DDHD1: variants seen among roughly 807,000 people sequenced by gnomAD.
DDHD1 encodes the protein phospholipase DDHD1.
A neutral mutation model predicts 96.4 loss-of-function variants in DDHD1; 49 were observed. The observed-to-expected ratio is 0.51, with a 90% confidence interval of 0.40 to 0.64. The LOEUF is 0.64. DDHD1 is among the 30% of genes least tolerant of loss of function. The pLI, the probability that DDHD1 is intolerant of heterozygous loss-of-function variation, is 0.00. For missense variants in DDHD1, 1,106 were observed against 1,161.2 expected, an observed-to-expected ratio of 0.95 and a Z score of 0.69; for synonymous variants, 442 against 446.5, an observed-to-expected ratio of 0.99 and a Z score of 0.13.
chr14:53,090,728 G>T (rs554757573), intron 4 of DDHD1, among the ~76,000 whole-genome samples: 11 of 152,262 alleles, frequency 7.2e-5, no homozygotes, highest in East Asian at 5.8e-4. Context: ...CCACTGGGGT[G>T]GGGGGATGGA....
At chr14:53,091,533 T>C (rs909667164) in intron 4 of DDHD1, among the ~76,000 whole-genome samples, 5 of 152,186 alleles carry the variant, frequency 3.3e-5, no homozygotes, top group Admixed American at 6.5e-5. Context: ...ACTTAATGTA[T>C]TAGATTAAAA....
chr14:53,112,638 A>T (rs1888196478), intron 1 of DDHD1, among the ~76,000 whole-genome samples: 1 of 152,208 alleles, frequency 6.6e-6, no homozygotes, highest in Non-Finnish European at 1.5e-5. Flanking sequence ...CAATCTGCTT[A>T]AAAATATACT....
chr14:53,142,936 A>G lies in DDHD1; in HGVS notation c.838+9325T>C, dbSNP rs1190998060. On this transcript the variant is annotated intron_variant, in intron 1 of 12. Transcript: ENST00000673822. Reference sequence around the variant, plus strand: ...GAAACAGACTACAAATTGAAACAGGAGAGCCAAGAATGTCAAGCGGGTTGG... The same window carrying G: ...GAAACAGACTACAAATTGAAACAGGGGAGCCAAGAATGTCAAGCGGGTTGG... Among the ~76,000 whole-genome samples, 3 of 152,272 alleles carry G rather than the reference A, an allele frequency of 2.0e-5. No homozygotes were observed. In the East Asian group the frequency reaches 5.8e-4, roughly 29 times the overall value.
At position 53,045,880 on chromosome 14, in the gene DDHD1, T is replaced by C. The variant is rs1015025317; in HGVS notation, c.*888A>G. 6.6e-6 allele frequency: 1 copy of C among 152,212 alleles called. No homozygotes were observed. The highest frequency in any genetic ancestry group is 1.5e-5 in the Non-Finnish European group (1 of 68,040). The allele number at this position is 152,212 out of a possible 1,614,324, so 9.4% of individuals were successfully genotyped here. A position where few individuals can be genotyped will look rare whatever the true frequency, so the allele number is the denominator to read the frequency against. On this transcript the variant is annotated 3_prime_UTR_variant, in exon 13 of 13. Transcript: ENST00000673822. ...TTTAAAATAGCTGTCATACTACCTA[T>C]TCAAAAGCATTTACTAGTTTTCTAA...
chr14:53,105,504 A>G (rs1001391047), intron 1 of DDHD1, among the ~76,000 whole-genome samples: 2 of 152,224 alleles, frequency 1.3e-5, no homozygotes, highest in Admixed American at 1.3e-4. Context: ...AAAAAATATT[A>G]TAACTTCATT....
intron 7 of DDHD1, among the ~76,000 whole-genome samples, chr14:53,061,501 T>G (rs1428242854): frequency 6.6e-6 from 1 of 152,198 alleles, no homozygotes; most frequent in Non-Finnish European, 1.5e-5. Flanking sequence ...ACCAAATGGT[T>G]AATACCATAT....
At chr14:53,099,883 G>A (rs542139250) in intron 2 of DDHD1, among the ~76,000 whole-genome samples, 2 of 151,840 alleles carry the variant, frequency 1.3e-5, no homozygotes, top group East Asian at 3.9e-4. Context: ...TCTCTTTGTG[G>A]GTTATCTTTA....
chr14:53,143,694 G>A (rs1890796640), intron 1 of DDHD1, among the ~76,000 whole-genome samples: 1 of 152,214 alleles, frequency 6.6e-6, no homozygotes, highest in Admixed American at 6.5e-5. Flanking sequence ...TAAGGAAGAG[G>A]AACAGGCTAT....
At chr14:53,122,941 T>C (rs1367023623) in intron 1 of DDHD1, among the ~76,000 whole-genome samples, 2 of 151,724 alleles carry the variant, frequency 1.3e-5, no homozygotes, top group Non-Finnish European at 2.9e-5. Flanking sequence ...TATAACAACA[T>C]TTTTACAGAA....
At chr14:53,071,506 T>C (rs918117010) in intron 6 of DDHD1, among the ~76,000 whole-genome samples, 9 of 152,128 alleles carry the variant, frequency 5.9e-5, no homozygotes, top group Non-Finnish European at 1.0e-4. Context: ...CAGTATCTTA[T>C]ACGTAGTAAG....
chr14:53,140,833 G>A (rs1368687318), intron 1 of DDHD1, among the ~76,000 whole-genome samples: 1 of 152,056 alleles, frequency 6.6e-6, no homozygotes, highest in African/African-American at 2.4e-5. Flanking sequence ...CCAACAGATA[G>A]GTAAAGACAC....
At chr14:53,060,704 T>C (rs1883470344) in intron 8 of DDHD1, among the ~76,000 whole-genome samples, 1 of 152,210 alleles carries the variant, frequency 6.6e-6, no homozygotes, top group African/African-American at 2.4e-5. Flanking sequence ...CTGATGTTTC[T>C]TGAGGTATAT....
intron 1 of DDHD1, among the ~76,000 whole-genome samples, chr14:53,120,864 A>G (rs967567198): frequency 1.3e-5 from 2 of 152,368 alleles, no homozygotes; most frequent in Non-Finnish European, 2.9e-5. Context: ...AAACCTAGGC[A>G]ATACCATTCA....
intron 10 of DDHD1, among the ~76,000 whole-genome samples, chr14:53,054,870 G>T (rs1233150124): frequency 2.0e-5 from 3 of 152,146 alleles, no homozygotes; most frequent in Non-Finnish European, 4.4e-5. Flanking sequence ...AAGGAATAAA[G>T]ATTCTATTTT....
At position 53,045,861 on chromosome 14, in the gene DDHD1, A is replaced by G. The variant is rs1158343519; in HGVS notation, c.*907T>C. 2 of 152,222 alleles carry G rather than the reference A, an allele frequency of 1.3e-5. No individual in the cohort carries two copies. The highest frequency in any genetic ancestry group is 2.9e-5 in the Non-Finnish European group (2 of 68,040). 9.4% of individuals were successfully genotyped at this position (152,222 alleles called of 1,614,324 possible). On this transcript the variant is annotated 3_prime_UTR_variant, in exon 13 of 13. Transcript: ENST00000673822. ...GCACACAAATGTTTATACATTTAAA[A>G]TAGCTGTCATACTACCTATTCAAAA... is the stretch of plus-strand genomic sequence containing the variant.
intron 1 of DDHD1, among the ~76,000 whole-genome samples, chr14:53,148,870 T>C (rs1334733564): frequency 2.0e-5 from 3 of 152,202 alleles, no homozygotes; most frequent in African/African-American, 4.8e-5. Flanking sequence ...AGTTAACACC[T>C]AGTACAATGT....
intron 1 of DDHD1, among the ~76,000 whole-genome samples, chr14:53,134,207 C>T (rs1415689046): frequency 6.6e-6 from 1 of 152,180 alleles, no homozygotes; most frequent in Non-Finnish European, 1.5e-5. Context: ...TAGCCATACT[C>T]CTATTCACCA....
chr14:53,128,506 T>C (rs1025813123), intron 1 of DDHD1, among the ~76,000 whole-genome samples: 2 of 152,178 alleles, frequency 1.3e-5, no homozygotes, highest in Non-Finnish European at 2.9e-5. Context: ...GACTCTGCCG[T>C]ATGACCTTAT....
At chr14:53,059,588 G>A (rs1314305001) in intron 8 of DDHD1, among the ~76,000 whole-genome samples, 2 of 150,256 alleles carry the variant, frequency 1.3e-5, no homozygotes, top group Middle Eastern at 3.4e-3. Context: ...CTGATAGGCT[G>A]GGTGCGGTGG....
Sources: allele counts gnomAD v4.1 joint callset (sites outside exome capture counted in the v4.1 genomes callset), GRCh38; gene constraint gnomAD v4.1.1; transcripts MANE v1.5; gene names NCBI Gene and HGNC (gene_info 2026-07-23, HGNC 2026-07-21).